SLC12A6: variants seen among roughly 807,000 people sequenced by gnomAD.
SLC12A6 encodes K-Cl cotransporter 3.
SLC12A6 carries 66 observed loss-of-function variants against 135.3 expected under a neutral mutation model. That is an observed-to-expected ratio of 0.49 (90% confidence interval 0.40 to 0.60). SLC12A6 has a LOEUF of 0.60. SLC12A6 is among the 20% of genes least tolerant of loss of function. The pLI is 0.00. For synonymous variants in SLC12A6, 513 were observed against 508.8 expected (o/e 1.01, Z -0.11); for missense variants, 1,058 against 1,452.3 (o/e 0.73, Z 4.41).
Position 34,229,879 on chromosome 15 carries a change from A to T in SLC12A6, c.*4002T>A. ...TGGCTCCTCAGCATACTCTTAAACT[A>T]ATCACTTATGTTAAAAAGAACCAAA... On this transcript the variant is annotated 3_prime_UTR_variant, in exon 26 of 26. Transcript: ENST00000354181. 1 of 1,210,678 alleles carries T rather than the reference A, an allele frequency of 8.3e-7. No individual in the cohort carries two copies. Among genetic ancestry groups the T allele is most frequent in the East Asian group, 2.3e-5 (1 of 42,908 alleles). The allele number at this position is 1,210,678 out of a possible 1,614,324, so 75.0% of individuals were successfully genotyped here.
Position 34,256,291 on chromosome 15 carries a change from GA to G in SLC12A6, c.691-9del. On this transcript the variant is annotated splice_polypyrimidine_tract_variant and intron_variant, in intron 6 of 25. Transcript: ENST00000354181. ...GATAGCAGTCAACATTGTCTGCAGA[GA>G]AAAGGAAAGGAGAGGATTGTTACTG... 2 of 1,586,422 alleles carry G rather than the reference GA, an allele frequency of 1.3e-6. No individual in the cohort carries two copies. The highest frequency in any genetic ancestry group is 1.7e-6 in the Non-Finnish European group (2 of 1,154,722).
chr15:34,273,473 T>A (rs1027706660), intron 3 of SLC12A6, among the ~76,000 whole-genome samples: 11 of 152,232 alleles, frequency 7.2e-5, no homozygotes, highest in African/African-American at 2.7e-4. Flanking sequence ...GTGCCTAGGA[T>A]GTCAGGTACT....
In SLC12A6 at chr15:34,245,296, T is replaced by C; in HGVS notation, c.1932A>G (p.Pro644=). Residue 644 remains proline (P), a synonymous_variant, in exon 15 of 26, where the codon CCA becomes CCG. Coordinates refer to ENST00000354181, the MANE Select transcript of SLC12A6 (RefSeq NM_001365088.1). ...TCACTGGCTCTTACATGGAAAGAATTGGGGCCACAAGATCCAGGGAGGCAA... is the reference window on the plus strand; with the variant it reads ...TCACTGGCTCTTACATGGAAAGAATCGGGGCCACAAGATCCAGGGAGGCAA... The part of the protein sequence containing the change: ...ILIASLDLVA[P]ILSMFFLMCY... 1.3e-6 allele frequency: 2 copies of C among 1,566,070 alleles called. No homozygotes were observed. The highest frequency in any genetic ancestry group is 1.8e-6 in the Non-Finnish European group (2 of 1,136,010).
At chr15:34,308,743 G>A (rs762971085) in intron 2 of SLC12A6, among the ~76,000 whole-genome samples, 4 of 151,042 alleles carry the variant, frequency 2.6e-5, no homozygotes, top group Non-Finnish European at 4.4e-5. Flanking sequence ...TACTCTATGC[G>A]AAATAAAAAA....
chr15:34,255,662 A>G (rs1892700317), intron 7 of SLC12A6, among the ~76,000 whole-genome samples: 1 of 152,196 alleles, frequency 6.6e-6, no homozygotes. Flanking sequence ...TTACTATGAC[A>G]TGAGACAGCC....
intron 2 of SLC12A6, among the ~76,000 whole-genome samples, chr15:34,312,557 A>G (rs1888331937): frequency 6.6e-6 from 1 of 152,230 alleles, no homozygotes; most frequent in Admixed American, 6.5e-5. Context: ...CTGAGAAAAC[A>G]GAATGGGTAG....
intron 2 of SLC12A6, among the ~76,000 whole-genome samples, chr15:34,334,752 C>G (rs1273652256): frequency 2.0e-5 from 3 of 152,094 alleles, no homozygotes; most frequent in Admixed American, 1.3e-4. Context: ...ACCACGTAAA[C>G]AAACATAAAT....
chr15:34,256,451 C>T (rs766483083), intron 6 of SLC12A6, among the ~76,000 whole-genome samples, 168 bp from the exon 7 acceptor site: 9 of 152,172 alleles, frequency 5.9e-5, no homozygotes, highest in South Asian at 2.1e-4. Flanking sequence ...CAATTCATTG[C>T]GCTAGTCATA....
intron 2 of SLC12A6, among the ~76,000 whole-genome samples, chr15:34,336,203 C>T (rs1051675802): frequency 2.6e-5 from 4 of 152,186 alleles, no homozygotes; most frequent in African/African-American, 9.7e-5. Flanking sequence ...TCTTGTCATA[C>T]ACCTTCCCAC....
chr15:34,260,109 C>T (rs977957302), intron 4 of SLC12A6, among the ~76,000 whole-genome samples: 14 of 152,210 alleles, frequency 9.2e-5, no homozygotes, highest in South Asian at 4.1e-4. Flanking sequence ...GATAAGTATA[C>T]GAGGTGATAT....
chr15:34,324,128 T>C (rs1889308043), intron 2 of SLC12A6, among the ~76,000 whole-genome samples: 1 of 151,942 alleles, frequency 6.6e-6, no homozygotes, highest in Non-Finnish European at 1.5e-5. Context: ...TCCACAAAAA[T>C]TCAAACAAAT....
In SLC12A6 at chr15:34,236,762, T is replaced by C. The variant is rs1455950770; in HGVS notation, c.2988A>G (p.Gln996=). 5.6e-6 allele frequency: 9 copies of C among 1,612,846 alleles called. No homozygotes were observed. The highest frequency in any genetic ancestry group is 1.3e-5 in the African/African-American group (1 of 75,022). ...GCATGTGCCGGAGCATCTGGGACCT[T>C]TGTTCCATCATCAAAGTGCGCTCGT... ...YTYERTLMME[Q]RSQMLRHMRL... is the part of the protein sequence containing the mutation. The change falls in exon 23 of 26, where the codon CAA becomes CAG. Residue 996 remains glutamine (Q), a synonymous_variant. Coordinates refer to ENST00000354181, the MANE Select transcript of SLC12A6 (RefSeq NM_001365088.1).
chr15:34,315,924 C>T (rs922520726), intron 2 of SLC12A6, among the ~76,000 whole-genome samples: 7 of 151,870 alleles, frequency 4.6e-5, no homozygotes, highest in African/African-American at 1.7e-4. Flanking sequence ...GGTGACAGAG[C>T]GAGACACCAT....
At chr15:34,284,277 C>CTTTTT (rs71415558) in intron 2 of SLC12A6, among the ~76,000 whole-genome samples, 1,254 of 92,378 alleles carry the variant, frequency 0.014, 5 homozygotes, top group East Asian at 0.024. Context: ...TGTTTCTTTT[C>CTTTTT]TTTTTTTTTT....
chr15:34,282,654 G>C (rs1894764049), intron 2 of SLC12A6, among the ~76,000 whole-genome samples: 1 of 152,200 alleles, frequency 6.6e-6, no homozygotes, highest in South Asian at 2.1e-4. Context: ...TCAGGAGGCT[G>C]AAGTGAGAGG....
intron 2 of SLC12A6, among the ~76,000 whole-genome samples, chr15:34,330,533 G>A (rs1455147137): frequency 6.6e-6 from 1 of 151,976 alleles, no homozygotes; most frequent in Non-Finnish European, 1.5e-5. Context: ...GCTGGTCATA[G>A]TGGTGTGCAC....
At chr15:34,300,036 G>A (rs938556239) in intron 2 of SLC12A6, among the ~76,000 whole-genome samples, 2 of 152,228 alleles carry the variant, frequency 1.3e-5, no homozygotes, top group African/African-American at 2.4e-5. Flanking sequence ...AGCAAAAATC[G>A]GCGAGAAAGA....
intron 2 of SLC12A6, among the ~76,000 whole-genome samples, chr15:34,319,323 T>G (rs1888891628): frequency 6.6e-6 from 1 of 151,380 alleles, no homozygotes; most frequent in African/African-American, 2.4e-5. Flanking sequence ...GTATTTTTAG[T>G]AGAGACGGGG....
At position 34,231,919 on chromosome 15, in the gene SLC12A6, G is replaced by C. The variant is rs1264431665; in HGVS notation, c.*1962C>G. ...ATTACTCAATTTCTTAAGCTATATT[G>C]AAGGGTTTTCTCTGTCCTTACAGGT... On this transcript the variant is annotated 3_prime_UTR_variant, in exon 26 of 26. Coordinates refer to ENST00000354181, the MANE Select transcript of SLC12A6 (RefSeq NM_001365088.1). 1 of 118,880 alleles carries C rather than the reference G, an allele frequency of 8.4e-6. No individual in the cohort carries two copies. Among genetic ancestry groups the C allele is most frequent in the Admixed American group, 8.7e-5 (1 of 11,528 alleles). The allele number at this position is 118,880 out of a possible 1,614,324, so 7.4% of individuals were successfully genotyped here.
Sources: allele counts gnomAD v4.1 joint callset (sites outside exome capture counted in the v4.1 genomes callset), GRCh38; gene constraint gnomAD v4.1.1; transcripts MANE v1.5; gene names NCBI Gene and HGNC (gene_info 2026-07-23, HGNC 2026-07-21).